Variants in PCDHA3 observed in about 807,000 individuals in gnomAD.
PCDHA3 encodes protocadherin alpha-3.
In PCDHA3, 41 loss-of-function variants were observed where a neutral mutation model predicts 62.2. The ratio of observed to expected loss-of-function variants is 0.66; its 90% CI spans 0.51 to 0.86. The LOEUF (loss-of-function observed/expected upper bound fraction) is 0.86. PCDHA3 is among the 40% of genes least tolerant of loss of function. The pLI is 0.00. For missense variants in PCDHA3, 1,304 were observed against 1,241.2 expected (o/e 1.05, Z -0.76); for synonymous variants, 640 against 555.4 (o/e 1.15, Z -2.14).
At chr5:140,966,882 C>T (rs782464160) in intron 1 of PCDHA3, 1 of 1,589,690 alleles carries the variant, frequency 6.3e-7, no homozygotes, top group Admixed American at 1.7e-5. Flanking sequence ...CTACCTGGCC[C>T]TGCGGCCTCC....
Position 140,877,166 on chromosome 5 carries a change from TGCTGGCGACTCCG to T in PCDHA3, c.2394+73582_2394+73594del, listed in dbSNP as rs2056906844. The T allele has an allele frequency of 1.9e-6, 3 of 1,613,836 alleles. No individual in the cohort carries two copies. In the East Asian group the frequency reaches 6.7e-5, roughly 36 times the overall value. On this transcript the variant is annotated intron_variant, in intron 1 of 3. Coordinates refer to ENST00000522353, the MANE Select transcript of PCDHA3 (RefSeq NM_018906.3). The stretch of plus-strand genomic sequence containing the variant: ...GACGAGAACGACAACGCGCCGGCAC[TGCTGGCGACTCCG>T]GCTGGCAGCGCAGGAGGCGCAGTTA...
At chr5:140,966,522 G>A (rs1350046535) in intron 1 of PCDHA3, 2 of 437,040 alleles carry the variant, frequency 4.6e-6, no homozygotes, top group Non-Finnish European at 7.9e-6. Flanking sequence ...GCAGGAAGCC[G>A]AGCCGGGTTG....
chr5:140,926,906 G>A (rs781809570), intron 1 of PCDHA3: 1 of 1,559,584 alleles, frequency 6.4e-7, no homozygotes, highest in Admixed American at 1.8e-5. Context: ...GTGGGCTGTG[G>A]GGTGGCAGTT....
chr5:140,972,218 C>A (rs367920234), intron 1 of PCDHA3, among the ~76,000 whole-genome samples: 129 of 152,040 alleles, frequency 8.5e-4, no homozygotes, highest in Middle Eastern at 3.4e-3. Flanking sequence ...TGGCTCACTG[C>A]AGCCTCGACC....
chr5:140,920,773 G>A (rs374394320), intron 1 of PCDHA3, among the ~76,000 whole-genome samples: 41 of 151,942 alleles, frequency 2.7e-4, no homozygotes, highest in African/African-American at 9.2e-4. Flanking sequence ...ACACCTGGGA[G>A]GTGGAGGTTG....
At chr5:140,832,575 T>G (rs1351881493) in intron 1 of PCDHA3, among the ~76,000 whole-genome samples, 1 of 152,226 alleles carries the variant, frequency 6.6e-6, no homozygotes, top group Non-Finnish European at 1.5e-5. Context: ...CAGCATACTT[T>G]CTTAGGAAGT....
chr5:140,897,875 G>A (rs2066378352), intron 1 of PCDHA3, among the ~76,000 whole-genome samples: 1 of 152,080 alleles, frequency 6.6e-6, no homozygotes, highest in South Asian at 2.1e-4. Flanking sequence ...TTTAATGATT[G>A]CCATTCTAAC....
intron 1 of PCDHA3, among the ~76,000 whole-genome samples, chr5:140,837,876 G>A (rs1434787850): frequency 2.6e-5 from 4 of 151,526 alleles, no homozygotes; most frequent in African/African-American, 9.7e-5. Flanking sequence ...ACAGGGTGGA[G>A]TCTTGTTTCC....
chr5:140,985,643 A>C (rs564908892), intron 3 of PCDHA3, among the ~76,000 whole-genome samples: 10 of 151,298 alleles, frequency 6.6e-5, no homozygotes, highest in African/African-American at 1.9e-4. Context: ...TCATCCCAAC[A>C]CTTGCAATGG....
chr5:140,998,275 A>G (rs1554256218), intron 3 of PCDHA3, among the ~76,000 whole-genome samples: 1 of 152,198 alleles, frequency 6.6e-6, no homozygotes, highest in African/African-American at 2.4e-5. Context: ...TGACACCCAT[A>G]GGATTAAATC....
intron 3 of PCDHA3, among the ~76,000 whole-genome samples, chr5:140,983,788 C>T (rs1319880543): frequency 6.6e-6 from 1 of 152,144 alleles, no homozygotes; most frequent in Non-Finnish European, 1.5e-5. Context: ...TAACAGATGA[C>T]AGAATGTGTG....
At chr5:140,834,364 A>G (rs2150215760) in intron 1 of PCDHA3, 1 of 1,553,394 alleles carries the variant, frequency 6.4e-7, no homozygotes, top group Non-Finnish European at 8.7e-7. Context: ...CTGACTAGAA[A>G]AACAAGCCAA....
chr5:140,875,125 A>T (rs1158150211), intron 1 of PCDHA3, among the ~76,000 whole-genome samples: 2 of 152,240 alleles, frequency 1.3e-5, no homozygotes, highest in Non-Finnish European at 2.9e-5. Flanking sequence ...TATATTAACT[A>T]AACCCGCATT....
intron 1 of PCDHA3, chr5:140,967,882 C>T (rs1323816592): frequency 1.2e-6 from 2 of 1,614,108 alleles, no homozygotes. Context: ...ACCTGTATAG[C>T]CCAGTGCCTG....
intron 1 of PCDHA3, among the ~76,000 whole-genome samples, chr5:140,949,420 G>A (rs1219049825): frequency 6.6e-6 from 1 of 151,726 alleles, no homozygotes; most frequent in African/African-American, 2.4e-5. Context: ...TCATCATTGT[G>A]TTTATCTCTT....
At chr5:140,967,390 G>A (rs2096135950) in intron 1 of PCDHA3, 2 of 1,609,752 alleles carry the variant, frequency 1.2e-6, no homozygotes, top group African/African-American at 1.3e-5. Context: ...AAGTGCTTGA[G>A]CTGGTGCTGC....
Position 140,851,538 on chromosome 5 carries a change from A to G in PCDHA3, c.2394+47947A>G. 2.2e-6 allele frequency: 2 copies of G among 905,392 alleles called. 1 individual carries two copies. The highest frequency in any genetic ancestry group is 2.7e-6 in the Non-Finnish European group (2 of 743,116). The allele number at this position is 905,392 out of a possible 1,614,324, so 56.1% of individuals were successfully genotyped here. A position where few individuals can be genotyped will look rare whatever the true frequency, so the allele number is the denominator to read the frequency against. Reference sequence around the variant, plus strand: ...TTTTAAAATGCCTGACAATGTAGATAATTCAAGAAATGTTGACTGAAATTT... The same window carrying G: ...TTTTAAAATGCCTGACAATGTAGATGATTCAAGAAATGTTGACTGAAATTT... On this transcript the variant is annotated intron_variant, in intron 1 of 3. Coordinates refer to ENST00000522353, the MANE Select transcript of PCDHA3 (RefSeq NM_018906.3).
At chr5:140,834,356 G>T (rs2150215618) in intron 1 of PCDHA3, 43 of 1,542,626 alleles carry the variant, frequency 2.8e-5, no homozygotes, top group Non-Finnish European at 3.7e-5. Flanking sequence ...AAGTTTTGCT[G>T]ACTAGAAAAA....
At chr5:140,876,697 C>T in intron 1 of PCDHA3, 2 of 1,614,226 alleles carry the variant, frequency 1.2e-6, no homozygotes, top group Middle Eastern at 1.6e-4. Context: ...CTCGTTGGTG[C>T]TGGACAGCGC....
Sources: allele counts gnomAD v4.1 joint callset (sites outside exome capture counted in the v4.1 genomes callset), GRCh38; gene constraint gnomAD v4.1.1; transcripts MANE v1.5; gene names NCBI Gene and HGNC (gene_info 2026-07-23, HGNC 2026-07-21).